MEIG1: variants seen among roughly 807,000 people sequenced by gnomAD.
MEIG1 encodes the protein meiosis/spermiogenesis associated 1, also known as meiosis expressed gene 1 protein homolog.
MEIG1 carries 12 observed loss-of-function variants against 11.3 expected under a neutral mutation model. That is an observed-to-expected ratio of 1.07 (90% CI 0.68 to 1.73). The LOEUF (loss-of-function observed/expected upper bound fraction) is 1.73, where lower values mean the gene tolerates loss of function less well. MEIG1 is among the 40% of genes most tolerant of loss of function. The probability of loss-of-function intolerance (pLI) is 0.00; values close to 1 mark genes in which losing one functional copy is unlikely to be tolerated. For synonymous variants in MEIG1, 41 were observed against 33.2 expected, an observed-to-expected ratio of 1.24 and a Z score of -0.81; for missense variants, 119 against 104.9, an observed-to-expected ratio of 1.13 and a Z score of -0.59.
At chr10:14,959,051 T>C (rs915527820), upstream of MEIG1, among the ~76,000 whole-genome samples, 5 of 152,248 alleles carry the variant, frequency 3.3e-5, no homozygotes, top group Non-Finnish European at 4.4e-5. Flanking sequence ...TCAGGCACTA[T>C]GGCGACTCTC....
intron 2 of MEIG1, among the ~76,000 whole-genome samples, chr10:14,967,179 A>G (rs1184393776): frequency 1.0e-5 from 1 of 100,460 alleles, no homozygotes; most frequent in Non-Finnish European, 2.3e-5. Flanking sequence ...CTTTTGCGGT[A>G]GACCACAAAA....
At chr10:14,974,743 T>G (rs1843192689), downstream of MEIG1, among the ~76,000 whole-genome samples, 1 of 152,126 alleles carries the variant, frequency 6.6e-6, no homozygotes, top group Admixed American at 6.6e-5. Context: ...ATATTAATGA[T>G]TAATGACACC....
At chr10:14,985,908 G>GAA in intron 1 of MEIG1, among the ~76,000 whole-genome samples, 1 of 151,796 alleles carries the variant, frequency 6.6e-6, no homozygotes, top group Non-Finnish European at 1.5e-5. Context: ...GTGTACCCCG[G>GAA]GTGTGTACAC....
At chr10:14,961,638 A>ATTTTTT (rs34536061) in intron 1 of MEIG1, among the ~76,000 whole-genome samples, 6 of 76,592 alleles carry the variant, frequency 7.8e-5, no homozygotes, top group Non-Finnish European at 7.9e-5. Flanking sequence ...CATCCGGCTA[A>ATTTTTT]TTTTTTTTTT....
intron 1 of MEIG1, among the ~76,000 whole-genome samples, chr10:14,985,329 C>T (rs1321719170): frequency 6.6e-6 from 1 of 151,996 alleles, no homozygotes; most frequent in Admixed American, 6.5e-5. Context: ...AATGCCTGTA[C>T]ACCCTGTGAT....
At chr10:14,959,156 G>A (rs929888220), upstream of MEIG1, among the ~76,000 whole-genome samples, 1 of 152,198 alleles carries the variant, frequency 6.6e-6, no homozygotes, top group African/African-American at 2.4e-5. Context: ...CTTTCACAGG[G>A]AATTTTGTCT....
chr10:14,955,706 A>C (rs546983365), upstream of MEIG1, among the ~76,000 whole-genome samples: 58 of 152,220 alleles, frequency 3.8e-4, 1 homozygote, highest in Non-Finnish European at 7.6e-4. Context: ...TCAAAAAAAC[A>C]AAACAAAACA....
chr10:14,975,547 C>CG (rs1371597879), downstream of MEIG1, among the ~76,000 whole-genome samples: 38 of 152,076 alleles, frequency 2.5e-4, no homozygotes, highest in Non-Finnish European at 3.2e-4. Context: ...GATGATAATA[C>CG]CCCCCATACC....
At chr10:14,968,148 T>C (rs143484275) in intron 2 of MEIG1, among the ~76,000 whole-genome samples, 5 of 151,582 alleles carry the variant, frequency 3.3e-5, no homozygotes, top group African/African-American at 9.7e-5. Context: ...AAGCTCTTCT[T>C]TTTCTTTTAT....
chr10:14,965,389 G>C (rs777726281), intron 1 of MEIG1, among the ~76,000 whole-genome samples: 14 of 152,110 alleles, frequency 9.2e-5, no homozygotes, highest in Non-Finnish European at 1.8e-4. Context: ...ACAATTACAT[G>C]AACTAAAGTC....
In MEIG1 at chr10:14,972,654, G is replaced by A. The variant is rs574064513; in HGVS notation, c.*13G>A. ...TTATGCTTACTAGCCTGTCTTCTTT[G>A]TATTACTTGTCAATTATATTTTAAG... On this transcript the variant is annotated 3_prime_UTR_variant, in exon 3 of 3. Transcript: ENST00000407572. 242 of 1,575,548 alleles carry A rather than the reference G, an allele frequency of 1.5e-4. 2 individuals carry two copies. The South Asian group carries it at 2.4e-3, about 16-fold the overall frequency.
chr10:14,975,996 C>T (rs1290283974), downstream of MEIG1, among the ~76,000 whole-genome samples: 1 of 152,188 alleles, frequency 6.6e-6, no homozygotes, highest in Admixed American at 6.5e-5. Context: ...GAAGATATTA[C>T]TGACAATAAC....
intron 1 of MEIG1, among the ~76,000 whole-genome samples, chr10:14,961,427 G>A (rs1843011144): frequency 6.6e-6 from 1 of 152,044 alleles, no homozygotes; most frequent in African/African-American, 2.4e-5. Flanking sequence ...CTCAGGCATT[G>A]CTGTTTCCTG....
chr10:14,984,727 A>AATGTGAC (rs1249692786), intron 1 of MEIG1, among the ~76,000 whole-genome samples: 5 of 152,116 alleles, frequency 3.3e-5, no homozygotes, highest in Non-Finnish European at 5.9e-5. Flanking sequence ...ATTCTAGGGA[A>AATGTGAC]ATGTGACTTT....
intron 1 of MEIG1, among the ~76,000 whole-genome samples, chr10:14,984,938 G>A (rs1843303495): frequency 6.6e-6 from 1 of 152,030 alleles, no homozygotes; most frequent in South Asian, 2.1e-4. Flanking sequence ...ATGTCACAGG[G>A]CGTGTAGACC....
chr10:14,976,055 G>C (rs1843206489), downstream of MEIG1, among the ~76,000 whole-genome samples: 1 of 152,150 alleles, frequency 6.6e-6, no homozygotes, highest in South Asian at 2.1e-4. Flanking sequence ...GGGGGGACCG[G>C]GGGGTGATAT....
intron 1 of MEIG1, among the ~76,000 whole-genome samples, chr10:14,963,879 A>G (rs12250441): frequency 0.1 from 15,313 of 152,156 alleles, 1,634 homozygotes; most frequent in East Asian, 0.32. Flanking sequence ...CAGGCGGATC[A>G]TGAGTTCAGG....
rs4418687 is a variant in MEIG1, at chr10:14,972,699, C to T, written c.*58C>T. 953,354 of 1,417,340 alleles carry T rather than the reference C, an allele frequency of 0.67. 322,491 individuals carry two copies. The highest frequency in any genetic ancestry group is 0.71 in the Admixed American group (28,412 of 40,298). The allele number at this position is 1,417,340 out of a possible 1,614,324, so 87.8% of individuals were successfully genotyped here. A position where few individuals can be genotyped will look rare whatever the true frequency, so the allele number is the denominator to read the frequency against. On this transcript the variant is annotated 3_prime_UTR_variant, in exon 3 of 3. Transcript: ENST00000407572. Reference sequence around the variant, plus strand: ...TTTAAGTATTCATCATTTCCTTCTACATCATGTGTTTGTCATTTGATGAAA... The same window carrying T: ...TTTAAGTATTCATCATTTCCTTCTATATCATGTGTTTGTCATTTGATGAAA...
chr10:14,969,369 G>A lies in MEIG1; in HGVS notation c.138+2763G>A, dbSNP rs572996302. ...AGGCTCAGGTGGGAGGATTGCTTGA[G>A]TGCAGGAGATCGAGGCTGCAGTGAC... On this transcript the variant is annotated intron_variant, in intron 2 of 2. Transcript: ENST00000407572. Among the ~76,000 whole-genome samples the A allele has an allele frequency of 5.5e-4, 83 of 151,490 alleles. 1 individual carries two copies. Among genetic ancestry groups the A allele is most frequent in the Admixed American group, 5.3e-4 (8 of 15,176 alleles).
Sources: allele counts gnomAD v4.1 joint callset (sites outside exome capture counted in the v4.1 genomes callset), GRCh38; gene constraint gnomAD v4.1.1; transcripts MANE v1.5; gene names NCBI Gene and HGNC (gene_info 2026-07-23, HGNC 2026-07-21).